The following FAM83F variants were observed in gnomAD, a reference collection of about 807,000 sequenced individuals.
FAM83F encodes the protein protein FAM83F.
In FAM83F, 45 loss-of-function variants were observed where a neutral mutation model predicts 42.9. The ratio of observed to expected loss-of-function variants is 1.05; its 90% CI spans 0.83 to 1.35. The LOEUF (loss-of-function observed/expected upper bound fraction) is 1.35. Ranked by LOEUF, FAM83F falls within the 40% of genes most tolerant of loss-of-function variation. FAM83F has a pLI of 0.00. For synonymous variants in FAM83F, 306 were observed against 298.3 expected (o/e 1.03, Z -0.27); for missense variants, 617 against 695.9 (o/e 0.89, Z 1.28).
At chr22:40,010,476 G>C (rs1183368212) in intron 1 of FAM83F, among the ~76,000 whole-genome samples, 1 of 152,110 alleles carries the variant, frequency 6.6e-6, no homozygotes, top group African/African-American at 2.4e-5. Context: ...TTGTTTAATT[G>C]GTAGTGACAC....
rs57224519 is a variant in FAM83F at position 40,014,131 on chromosome 22, C to CTTTTTTTTTTTTTTTTTTTTT, written c.490-5020_490-5019insTTTTTTTTTTTTTTTTTTTTT. Among the ~76,000 whole-genome samples the CTTTTTTTTTTTTTTTTTTTTT allele has an allele frequency of 4.5e-4, 52 of 116,814 alleles. 1 individual carries two copies. Among genetic ancestry groups the CTTTTTTTTTTTTTTTTTTTTT allele is most frequent in the East Asian group, 9.3e-4 (4 of 4,308 alleles). The allele number at this position is 116,814 out of a possible 152,430, so 76.6% of individuals were successfully genotyped here. A position where few individuals can be genotyped will look rare whatever the true frequency, so the allele number is the denominator to read the frequency against. ...AATCCTTATGTCTCTTATTTCTTTT[C>CTTTTTTTTTTTTTTTTTTTTT]TTTTTTTTTTTTTTTTTGTCTTATT... On this transcript the variant is annotated intron_variant, in intron 1 of 4. Coordinates refer to ENST00000333407, the MANE Select transcript of FAM83F (RefSeq NM_138435.4).
Position 39,995,367 on chromosome 22 carries a change from CCCGACCGTT to C in FAM83F, c.331_339del (p.Arg111_Asp113del). The C allele has an allele frequency of 6.5e-7, 1 of 1,544,710 alleles. No individual in the cohort carries two copies. The highest frequency in any genetic ancestry group is 8.7e-7 in the Non-Finnish European group (1 of 1,146,662). On this transcript the variant is annotated inframe_deletion, in exon 1 of 5. Coordinates refer to ENST00000333407, the MANE Select transcript of FAM83F (RefSeq NM_138435.4). This position sits in a 1 kb window ranked among gnomAD's most constrained non-coding sequence, Gnocchi z 4.6. The stretch of plus-strand genomic sequence containing the variant: ...GTCCGGCGAGTCCCTGGCCTACTGG[CCCGACCGTT>C]CCGACACCGAGGTGCCTCCTCTGGA...
rs199581747 is a variant in FAM83F at position 40,019,137 on chromosome 22, G to A, written c.490-31G>A. On this transcript the variant is annotated intron_variant, in intron 1 of 4. Coordinates refer to ENST00000333407, the MANE Select transcript of FAM83F (RefSeq NM_138435.4). ...ATGCCTCTGTGGGCGTGTAGACACC[G>A]TGTGCCTCACCAGTGCCTTTCCCCA... 267 of 1,611,046 alleles carry A rather than the reference G, an allele frequency of 1.7e-4. 1 individual carries two copies. In the African/African-American group the frequency reaches 3.1e-3, roughly 19 times the overall value.
rs2145704231 is a variant in FAM83F, at chr22:39,995,384, C to T, written c.342C>T (p.Thr114=). The T allele has an allele frequency of 6.5e-7, 1 of 1,547,214 alleles. No homozygotes were observed. Among genetic ancestry groups the T allele is most frequent in the Non-Finnish European group, 8.7e-7 (1 of 1,146,740 alleles). The change falls in exon 1 of 5, where the codon ACC becomes ACT. Residue 114 remains threonine (T), a synonymous_variant. Transcript: ENST00000333407. This position sits in a 1 kb window ranked among gnomAD's most constrained non-coding sequence, Gnocchi z 4.6. The part of the protein sequence containing the change: ...SLAYWPDRSD[T]EVPPLDLGWT... ...CCTACTGGCCCGACCGTTCCGACAC[C>T]GAGGTGCCTCCTCTGGACCTGGGCT...
chr22:40,010,336 C>T (rs561631432), intron 1 of FAM83F, among the ~76,000 whole-genome samples: 3 of 152,214 alleles, frequency 2.0e-5, no homozygotes, highest in Non-Finnish European at 4.4e-5. Context: ...TCCCCTGGGC[C>T]TGACACTGCG....
chr22:40,037,808 C>G lies in FAM83F; in HGVS notation c.*8243C>G, dbSNP rs1224659912. The G allele has an allele frequency of 2.0e-5, 3 of 152,150 alleles. No individual in the cohort carries two copies. Among genetic ancestry groups the G allele is most frequent in the Non-Finnish European group, 4.4e-5 (3 of 68,046 alleles). The allele number at this position is 152,150 out of a possible 1,614,324, so 9.4% of individuals were successfully genotyped here. On this transcript the variant is annotated 3_prime_UTR_variant, in exon 5 of 5. Coordinates refer to ENST00000333407, the MANE Select transcript of FAM83F (RefSeq NM_138435.4). ...TCATAACTCACCGCAACCTCAAACT[C>G]CTAGGTTCAGGTGATCCTCCCGCCT...
intron 1 of FAM83F, among the ~76,000 whole-genome samples, chr22:40,017,019 C>T (rs930655118): frequency 1.3e-5 from 2 of 152,018 alleles, no homozygotes; most frequent in Non-Finnish European, 2.9e-5. Flanking sequence ...TCTCTGATTC[C>T]TCAGATAAAA....
chr22:40,009,543 C>A (rs116315203), intron 1 of FAM83F: 2,257 of 152,840 alleles, frequency 0.015, 49 homozygotes, highest in African/African-American at 0.051. Flanking sequence ...CGAGCTGGGG[C>A]GGTACCAGTG....
At position 40,042,749 on chromosome 22, in the gene FAM83F, G is replaced by A. The variant is rs771109076; in HGVS notation, c.*13184G>A. On this transcript the variant is annotated 3_prime_UTR_variant, in exon 5 of 5. Transcript: ENST00000333407. Reference sequence around the variant, plus strand: ...ATCAGAACAATGTGAAGGACACAAAGATGAAAAAGAAACCATCTGCTTCAA... The same window carrying A: ...ATCAGAACAATGTGAAGGACACAAAAATGAAAAAGAAACCATCTGCTTCAA... 12 of 152,182 alleles carry A rather than the reference G, an allele frequency of 7.9e-5. No homozygotes were observed. Among genetic ancestry groups the A allele is most frequent in the Non-Finnish European group, 1.3e-4 (9 of 68,022 alleles). The allele number at this position is 152,182 out of a possible 1,614,324, so 9.4% of individuals were successfully genotyped here. A position where few individuals can be genotyped will look rare whatever the true frequency, so the allele number is the denominator to read the frequency against.
At chr22:40,016,504 T>G (rs777700878) in intron 1 of FAM83F, among the ~76,000 whole-genome samples, 6 of 151,966 alleles carry the variant, frequency 3.9e-5, no homozygotes, top group East Asian at 1.9e-4. Flanking sequence ...CAGCCTACCT[T>G]GTTGAACTAT....
At chr22:40,004,145 G>A (rs1196898160) in intron 1 of FAM83F, among the ~76,000 whole-genome samples, 2 of 152,054 alleles carry the variant, frequency 1.3e-5, no homozygotes, top group African/African-American at 4.8e-5. Flanking sequence ...TGAGAATTCT[G>A]CCTTAAGTCT....
In FAM83F at chr22:40,021,260, T is replaced by C; in HGVS notation, c.780-30T>C. The C allele has an allele frequency of 3.3e-6, 5 of 1,516,590 alleles. No individual in the cohort carries two copies. The highest frequency in any genetic ancestry group is 4.4e-6 in the Non-Finnish European group (5 of 1,128,792). The allele number at this position is 1,516,590 out of a possible 1,614,324, so 93.9% of individuals were successfully genotyped here. ...GGCAAGAGAGAGGCCTGGGCACATG[T>C]GTCTTGCTTTTCTGTCCCCACGTTC... On this transcript the variant is annotated intron_variant, in intron 3 of 4. Coordinates refer to ENST00000333407, the MANE Select transcript of FAM83F (RefSeq NM_138435.4). This position sits in a 1 kb window ranked among gnomAD's most constrained non-coding sequence, Gnocchi z 8.7.
rs1645919933 is a variant in FAM83F at position 40,042,972 on chromosome 22, G to A, written c.*13407G>A. 1 of 152,102 alleles carries A rather than the reference G, an allele frequency of 6.6e-6. No homozygotes were observed. Among genetic ancestry groups the A allele is most frequent in the African/African-American group, 2.4e-5 (1 of 41,408 alleles). 9.4% of individuals were successfully genotyped at this position (152,102 alleles called of 1,614,324 possible). A position where few individuals can be genotyped will look rare whatever the true frequency, so the allele number is the denominator to read the frequency against. Reference sequence around the variant, plus strand: ...TGGGGTATGTGCATACAATTTTAAGGACTCACGTTCTTACAACCTATATTA... The same window carrying A: ...TGGGGTATGTGCATACAATTTTAAGAACTCACGTTCTTACAACCTATATTA... On this transcript the variant is annotated 3_prime_UTR_variant, in exon 5 of 5. Transcript: ENST00000333407.
At chr22:40,010,034 G>T (rs2067454592) in intron 1 of FAM83F, 1 of 152,230 alleles carries the variant, frequency 6.6e-6, no homozygotes, top group African/African-American at 2.4e-5. Context: ...ATCAGAAGCT[G>T]TCTGCCAATG....
chr22:40,021,351 G>T lies in FAM83F; in HGVS notation c.841G>T (p.Val281Leu). The change falls in exon 4 of 5, where the codon GTA becomes TTA. Residue 281 changes from valine (V) to leucine (L), a missense_variant. Coordinates refer to ENST00000333407, the MANE Select transcript of FAM83F (RefSeq NM_138435.4). This position sits in a 1 kb window ranked among gnomAD's most constrained non-coding sequence, Gnocchi z 8.7. ...NLLLLLTGQN[V>L]EPFDTEFREL... is the part of the protein sequence containing the mutation. ...CCTCCTGCTCCTGACAGGACAGAAC[G>T]TAGAGCCCTTTGACACGGAGTTCCG... 1.9e-6 allele frequency: 3 copies of T among 1,606,684 alleles called. No individual in the cohort carries two copies. Among genetic ancestry groups the T allele is most frequent in the Non-Finnish European group, 1.7e-6 (2 of 1,174,864 alleles).
At chr22:40,003,927 T>A (rs2067414606) in intron 1 of FAM83F, among the ~76,000 whole-genome samples, 1 of 152,054 alleles carries the variant, frequency 6.6e-6, no homozygotes, top group Non-Finnish European at 1.5e-5. Flanking sequence ...TTTTCAGCAG[T>A]GAGTCAGGAG....
rs113867160 is a variant in FAM83F at position 40,005,553 on chromosome 22, A to G, written c.489+10022A>G. Among the ~76,000 whole-genome samples the G allele has an allele frequency of 2.6e-5, 4 of 152,368 alleles. 1 individual carries two copies. The highest frequency in any genetic ancestry group is 2.1e-4 in the South Asian group (1 of 4,830). On this transcript the variant is annotated intron_variant, in intron 1 of 4. Coordinates refer to ENST00000333407, the MANE Select transcript of FAM83F (RefSeq NM_138435.4). ...AGCTGAATTAGCTGGCCTTGCTCAC[A>G]TGGGTGCCATCTGTCTTCCTCCTCT... is the stretch of plus-strand genomic sequence containing the variant.
Position 39,995,469 on chromosome 22 carries a change from A to G in FAM83F, c.427A>G (p.Lys143Glu). ...GGTCACGCTCTTCACCCACCCGCCC[A>G]AGGACGAGAAGGCGCCGCACCTCAA... is the stretch of plus-strand genomic sequence containing the variant. ...SRVTLFTHPPKDEKAPHLKQV... is the reference protein window; with the variant it reads ...SRVTLFTHPPEDEKAPHLKQV... Residue 143 changes from lysine to glutamate, a missense_variant, in exon 1 of 5, where the codon AAG becomes GAG. Transcript: ENST00000333407. The surrounding 1 kb of genome is among the most constrained non-coding windows in gnomAD (Gnocchi z 4.6). 2.5e-6 allele frequency: 4 copies of G among 1,574,752 alleles called. No homozygotes were observed. Among genetic ancestry groups the G allele is most frequent in the Non-Finnish European group, 3.4e-6 (4 of 1,159,856 alleles).
chr22:40,022,853 G>T (rs2067530118), intron 4 of FAM83F, among the ~76,000 whole-genome samples: 1 of 152,158 alleles, frequency 6.6e-6, no homozygotes, highest in African/African-American at 2.4e-5. Context: ...TGTGTGCCCG[G>T]CCCAAGGGCT....
Sources: gnomAD v4.1 joint callset for allele counts (sites outside exome capture counted in the v4.1 genomes callset) on GRCh38, gnomAD v4.1.1 for gene constraint, Gnocchi (gnomAD v3.1) non-coding constraint, MANE v1.5 for transcripts, NCBI Gene and HGNC (gene_info 2026-07-23, HGNC 2026-07-21) for gene names.